CYP26A1: variants seen among roughly 807,000 people sequenced by gnomAD.
CYP26A1 encodes cytochrome P450 family 26 subfamily A member 1.
In CYP26A1, 46 loss-of-function variants were observed where a neutral mutation model predicts 47.4. The observed-to-expected ratio is 0.97, with a 90% CI of 0.77 to 1.24. The LOEUF (loss-of-function observed/expected upper bound fraction) is 1.24, where lower values mean the gene tolerates loss of function less well. Among genes scored for constraint, CYP26A1 ranks in the 50% most tolerant of loss-of-function variants. CYP26A1 has a pLI of 0.00. For synonymous variants in CYP26A1, 277 were observed against 263.7 expected (o/e 1.05, Z -0.49); for missense variants, 680 against 644.4 (o/e 1.06, Z -0.60).
chr10:93,074,306 A>G lies in CYP26A1; in HGVS notation c.190-2A>G, dbSNP rs1443289725. ...CTTCTCTCCTCCGCCTTCCTCCCAC[A>G]GCGGAGGAAGTTCCTGCAGATGAAG... On this transcript the variant is annotated splice_acceptor_variant, in intron 1 of 6. Transcript: ENST00000224356. LOFTEE classifies it high-confidence loss of function. The surrounding 1 kb of genome is among the most constrained non-coding windows in gnomAD (Gnocchi z 5.3). 1.3e-6 allele frequency: 2 copies of G among 1,577,770 alleles called. No homozygotes were observed. The highest frequency in any genetic ancestry group is 1.1e-5 in the South Asian group (1 of 90,384).
chr10:93,077,088 T>C lies in CYP26A1; in HGVS notation c.1278T>C (p.Asp426=), dbSNP rs1481292863. The C allele has an allele frequency of 1.2e-6, 2 of 1,613,864 alleles. No individual in the cohort carries two copies. The highest frequency in any genetic ancestry group is 1.7e-6 in the Non-Finnish European group (2 of 1,179,804). ...GATTCATGCTGCCTCACCCAGAGGA[T>C]GCATCCAGGTTCAGCTTCATTCCAT... The part of the protein sequence containing the change: ...PDRFMLPHPE[D]ASRFSFIPFG... Residue 426 remains aspartate, a synonymous_variant, in exon 7 of 7, where the codon GAT becomes GAC. Transcript: ENST00000224356.
At position 93,077,413 on chromosome 10, in the gene CYP26A1, T is replaced by A; in HGVS notation, c.*109T>A. ...TTCTAAATGTATATTATAATATTTA[T>A]GTGTTTTGACTATACTACCACAATC... is the stretch of plus-strand genomic sequence containing the variant. On this transcript the variant is annotated 3_prime_UTR_variant, in exon 7 of 7. Coordinates refer to ENST00000224356, the MANE Select transcript of CYP26A1 (RefSeq NM_000783.4). 1 of 473,186 alleles carries A rather than the reference T, an allele frequency of 2.1e-6. No homozygotes were observed. Among genetic ancestry groups the A allele is most frequent in the East Asian group, 3.3e-5 (1 of 30,032 alleles). 29.3% of individuals were successfully genotyped at this position (473,186 alleles called of 1,614,324 possible). A position where few individuals can be genotyped will look rare whatever the true frequency, so the allele number is the denominator to read the frequency against.
chr10:93,075,137 C>T lies in CYP26A1; in HGVS notation c.706-12C>T, dbSNP rs769822291. On this transcript the variant is annotated splice_polypyrimidine_tract_variant and intron_variant, in intron 3 of 6. Transcript: ENST00000224356. ...GGGCGTCTGCTCACCGCCGCGCGCT[C>T]TCTGCGCTCAGGGCATGAAGGCGCG... 3.1e-6 allele frequency: 5 copies of T among 1,611,948 alleles called. No individual in the cohort carries two copies. The highest frequency in any genetic ancestry group is 2.2e-5 in the South Asian group (2 of 90,998).
chr10:93,073,984 C>T lies in CYP26A1; in HGVS notation c.50C>T (p.Pro17Leu), dbSNP rs1179965088. The change falls in exon 1 of 7, where the codon CCG becomes CTG. Residue 17 changes from proline to leucine, a missense_variant. Physicochemically the swap from Pro to Leu is moderately conservative, Grantham distance 98 (BLOSUM62 -3). Transcript: ENST00000224356. Reference sequence around the variant, plus strand: ...AGTGCGCTCTGCACCTTCGTGCTGCCGCTGCTGCTCTTCCTGGCTGCGATC... The same window carrying T: ...AGTGCGCTCTGCACCTTCGTGCTGCTGCTGCTGCTCTTCCTGGCTGCGATC... Reference protein sequence around the residue: ...LASALCTFVLPLLLFLAAIKL... With the variant: ...LASALCTFVLLLLLFLAAIKL... 2 of 1,518,156 alleles carry T rather than the reference C, an allele frequency of 1.3e-6. No individual in the cohort carries two copies. Among genetic ancestry groups the T allele is most frequent in the Non-Finnish European group, 1.8e-6 (2 of 1,094,990 alleles). 94.0% of individuals were successfully genotyped at this position (1,518,156 alleles called of 1,614,324 possible).
At position 93,076,975 on chromosome 10, in the gene CYP26A1, C is replaced by T; in HGVS notation, c.1165C>T (p.Pro389Ser). Residue 389 changes from proline to serine, a missense_variant, in exon 7 of 7, where the codon CCC becomes TCC. Coordinates refer to ENST00000224356, the MANE Select transcript of CYP26A1 (RefSeq NM_000783.4). ...TAATCTTTTGCAGGGATACCAGATT[C>T]CCAAGGGCTGGAATGTTATCTACAG... ...KTFELNGYQI[P>S]KGWNVIYSIC... 6.3e-7 allele frequency: 1 copy of T among 1,588,360 alleles called. No homozygotes were observed. Among genetic ancestry groups the T allele is most frequent in the Non-Finnish European group, 8.6e-7 (1 of 1,163,850 alleles).
At position 93,075,276 on chromosome 10, in the gene CYP26A1, C is replaced by G; in HGVS notation, c.833C>G (p.Ser278Trp). The G allele has an allele frequency of 6.2e-7, 1 of 1,614,062 alleles. No individual in the cohort carries two copies. The highest frequency in any genetic ancestry group is 8.5e-7 in the Non-Finnish European group (1 of 1,179,972). Reference protein sequence around the residue: ...KDALQLLIEHSWERGERLDMQ... With the variant: ...KDALQLLIEHWWERGERLDMQ... ...GCGCTGCAGCTGTTGATCGAGCACT[C>G]GTGGGAGAGGGGAGAGCGGCTGGAC... The change falls in exon 4 of 7, where the codon TCG becomes TGG. Residue 278 changes from serine (S) to tryptophan (W), a missense_variant. Ser to Trp is a radical substitution (Grantham distance 177). Transcript: ENST00000224356.
At chr10:93,073,749 T>G, upstream of CYP26A1, 4 of 566,604 alleles carry the variant, frequency 7.1e-6, no homozygotes, top group Non-Finnish European at 1.2e-5. Flanking sequence ...GGTTAAAGAT[T>G]TTGGGCAGCG....
rs1187144881 is a variant in CYP26A1 at position 93,074,436 on chromosome 10, G to T, written c.318G>T (p.Arg106=). The T allele has an allele frequency of 6.2e-7, 1 of 1,610,622 alleles. No individual in the cohort carries two copies. The highest frequency in any genetic ancestry group is 1.7e-5 in the Admixed American group (1 of 60,034). The change falls in exon 2 of 7, where the codon CGG becomes CGT. Residue 106 remains arginine (R), a synonymous_variant. Coordinates refer to ENST00000224356, the MANE Select transcript of CYP26A1 (RefSeq NM_000783.4). The surrounding 1 kb of genome is among the most constrained non-coding windows in gnomAD (Gnocchi z 5.3). ...GGCGCATCTTGCTCGGAGAGCACCG[G>T]CTGGTGTCGGTCCACTGGCCAGCGT... ...NVRRILLGEH[R]LVSVHWPASV...
rs777466689 is a variant in CYP26A1, at chr10:93,077,296, G to A, written c.1486G>A (p.Glu496Lys). ...LPARFTHFHG[E>K]I ...TGCAAGATTCACCCATTTCCATGGG[G>A]AAATCTGATGAGCTTGAATGTTCAA... Residue 496 changes from glutamate to lysine, a missense_variant, in exon 7 of 7, where the codon GAA (glutamate) becomes AAA (lysine). By Grantham distance (56) the Glu-to-Lys change is moderately conservative (BLOSUM62 1). Transcript: ENST00000224356. 20 of 1,520,594 alleles carry A rather than the reference G, an allele frequency of 1.3e-5. No homozygotes were observed. The Admixed American group carries it at 4.1e-4, about 31-fold the overall frequency. 94.2% of individuals were successfully genotyped at this position (1,520,594 alleles called of 1,614,324 possible). A position where few individuals can be genotyped will look rare whatever the true frequency, so the allele number is the denominator to read the frequency against.
rs1846936656 is a variant in CYP26A1 at position 93,074,251 on chromosome 10, G to T, written c.190-57G>T. 2.6e-6 allele frequency: 4 copies of T among 1,519,438 alleles called. No homozygotes were observed. Among genetic ancestry groups the T allele is most frequent in the Non-Finnish European group, 3.6e-6 (4 of 1,107,380 alleles). 94.1% of individuals were successfully genotyped at this position (1,519,438 alleles called of 1,614,324 possible). A position where few individuals can be genotyped will look rare whatever the true frequency, so the allele number is the denominator to read the frequency against. On this transcript the variant is annotated intron_variant, in intron 1 of 6. Coordinates refer to ENST00000224356, the MANE Select transcript of CYP26A1 (RefSeq NM_000783.4). The surrounding 1 kb of genome is among the most constrained non-coding windows in gnomAD (Gnocchi z 5.3). ...GGCTAGGAGCAGGGCTGGCGGGAGCGCGGCGCTCCCCGGCGCCCCCTCATG... is the reference window on the plus strand; with the variant it reads ...GGCTAGGAGCAGGGCTGGCGGGAGCTCGGCGCTCCCCGGCGCCCCCTCATG...
At position 93,077,282 on chromosome 10, in the gene CYP26A1, C is replaced by A; in HGVS notation, c.1472C>A (p.Thr491Asn). 2.6e-6 allele frequency: 4 copies of A among 1,541,328 alleles called. No homozygotes were observed. The highest frequency in any genetic ancestry group is 2.6e-6 in the Non-Finnish European group (3 of 1,143,362). The part of the protein sequence containing the change: ...YPVDNLPARF[T>N]HFHGEI ...GTGGACAATCTCCCTGCAAGATTCA[C>A]CCATTTCCATGGGGAAATCTGATGA... Residue 491 changes from threonine (T) to asparagine (N), a missense_variant, in exon 7 of 7, where the codon ACC becomes AAC. Physicochemically the swap from Thr to Asn is moderately conservative, Grantham distance 65 (BLOSUM62 0). Transcript: ENST00000224356.
intron 4 of CYP26A1, chr10:93,075,598 C>G: frequency 3.4e-6 from 2 of 589,340 alleles, no homozygotes; most frequent in South Asian, 4.4e-5. Context: ...AAAACTAAGA[C>G]TTTAACTCAG....
chr10:93,076,036 T>G, intron 5 of CYP26A1, 76 bp downstream of exon 5: 3 of 1,145,494 alleles, frequency 2.6e-6, no homozygotes, highest in Non-Finnish European at 3.9e-6. Flanking sequence ...TCCGAATAAG[T>G]CAGTGTGCTG....
At chr10:93,075,380 C>T (rs1235490454) in intron 4 of CYP26A1, 73 bp downstream of exon 4, 6 of 1,432,714 alleles carry the variant, frequency 4.2e-6, no homozygotes, top group Non-Finnish European at 5.7e-6. Context: ...CCTGGGGCCC[C>T]CAAAGCGCGC....
In CYP26A1 at chr10:93,074,108, G is replaced by A; in HGVS notation, c.174G>A (p.Leu58=). The stretch of plus-strand genomic sequence containing the variant: ...GCTTCCCCTTCTTTGGGGAAACCTT[G>A]CAGATGGTACTGCAGGTAAGGGAGG... ...TMGFPFFGET[L]QMVLQRRKFL... is the part of the protein sequence containing the mutation. The change falls in exon 1 of 7, where the codon TTG becomes TTA. Residue 58 remains leucine, a synonymous_variant. Coordinates refer to ENST00000224356, the MANE Select transcript of CYP26A1 (RefSeq NM_000783.4). The surrounding 1 kb of genome is among the most constrained non-coding windows in gnomAD (Gnocchi z 5.3). 1.1e-6 allele frequency: 1 copy of A among 942,824 alleles called. No homozygotes were observed. Among genetic ancestry groups the A allele is most frequent in the East Asian group, 4.9e-5 (1 of 20,472 alleles). 58.4% of individuals were successfully genotyped at this position (942,824 alleles called of 1,614,324 possible). A position where few individuals can be genotyped will look rare whatever the true frequency, so the allele number is the denominator to read the frequency against.
chr10:93,076,696 T>A lies in CYP26A1; in HGVS notation c.1152T>A (p.Asn384Lys), dbSNP rs756554831. 1.3e-6 allele frequency: 2 copies of A among 1,595,210 alleles called. No individual in the cohort carries two copies. The highest frequency in any genetic ancestry group is 1.7e-6 in the Non-Finnish European group (2 of 1,171,952). ...FRVALKTFELNGYQIPKGWNV... is the reference protein window; with the variant it reads ...FRVALKTFELKGYQIPKGWNV... Reference sequence around the variant, plus strand: ...TTGCTCTGAAGACTTTTGAATTAAATGTAAGTTAAAATTCTCTTCTTTCTC... The same window carrying A: ...TTGCTCTGAAGACTTTTGAATTAAAAGTAAGTTAAAATTCTCTTCTTTCTC... The change falls in exon 6 of 7, where the codon AAT becomes AAA. Residue 384 changes from asparagine to lysine, a missense_variant and splice_region_variant. Coordinates refer to ENST00000224356, the MANE Select transcript of CYP26A1 (RefSeq NM_000783.4).
rs150026228 is a variant in CYP26A1 at position 93,074,487 on chromosome 10, C to T, written c.369C>T (p.Gly123=). The stretch of plus-strand genomic sequence containing the variant: ...CGGTGCGCACCATTCTGGGATCTGG[C>T]TGCCTCTCTAACCTGCACGACTCCT... ...PASVRTILGS[G]CLSNLHDSSH... The change falls in exon 2 of 7, where the codon GGC becomes GGT. Residue 123 remains glycine (G), a synonymous_variant. Coordinates refer to ENST00000224356, the MANE Select transcript of CYP26A1 (RefSeq NM_000783.4). This position sits in a 1 kb window ranked among gnomAD's most constrained non-coding sequence, Gnocchi z 5.3. 5.0e-6 allele frequency: 8 copies of T among 1,611,588 alleles called. No individual in the cohort carries two copies. In the African/African-American group the frequency reaches 9.3e-5, roughly 19 times the overall value.
chr10:93,076,524 C>T lies in CYP26A1; in HGVS notation c.1000-20C>T, dbSNP rs1207789141. 2 of 1,579,914 alleles carry T rather than the reference C, an allele frequency of 1.3e-6. No individual in the cohort carries two copies. The highest frequency in any genetic ancestry group is 2.3e-5 in the South Asian group (2 of 87,642). On this transcript the variant is annotated intron_variant, in intron 5 of 6. Coordinates refer to ENST00000224356, the MANE Select transcript of CYP26A1 (RefSeq NM_000783.4). ...TGGAGCACAAAATAACTGTTCACCT[C>T]TGTATGACTGTTTTGATAGGGTTTA...
rs748905147 is a variant in CYP26A1, at chr10:93,073,980, C to G, written c.46C>G (p.Leu16Val). 1.3e-6 allele frequency: 2 copies of G among 1,488,700 alleles called. No homozygotes were observed. Among genetic ancestry groups the G allele is most frequent in the East Asian group, 4.5e-5 (2 of 44,222 alleles). 92.2% of individuals were successfully genotyped at this position (1,488,700 alleles called of 1,614,324 possible). A position where few individuals can be genotyped will look rare whatever the true frequency, so the allele number is the denominator to read the frequency against. ...GGCCAGTGCGCTCTGCACCTTCGTGCTGCCGCTGCTGCTCTTCCTGGCTGC... is the reference window on the plus strand; with the variant it reads ...GGCCAGTGCGCTCTGCACCTTCGTGGTGCCGCTGCTGCTCTTCCTGGCTGC... ...LLASALCTFV[L>V]PLLLFLAAIK... The change falls in exon 1 of 7, where the codon CTG (leucine) becomes GTG (valine). Residue 16 changes from leucine (L) to valine (V), a missense_variant. Transcript: ENST00000224356.
Sources: gnomAD v4.1 joint callset for allele counts on GRCh38, gnomAD v4.1.1 for gene constraint, Gnocchi (gnomAD v3.1) non-coding constraint, MANE v1.5 for transcripts, NCBI Gene and HGNC (gene_info 2026-07-23, HGNC 2026-07-21) for gene names.